The following KCTD16 variants were observed in gnomAD, a reference collection of about 807,000 sequenced individuals.
KCTD16 encodes the protein potassium channel tetramerization domain containing 16.
In KCTD16, 13 loss-of-function variants were observed where a neutral mutation model predicts 33.2. That is an observed-to-expected ratio of 0.39 (90% CI 0.25 to 0.62). The LOEUF is 0.62. Among genes scored for constraint, KCTD16 ranks in the 20% least tolerant of loss-of-function variants. KCTD16 has a pLI of 0.50. For synonymous variants in KCTD16, 197 were observed against 195.3 expected, an observed-to-expected ratio of 1.01 and a Z score of -0.07; for missense variants, 441 against 525.1, an observed-to-expected ratio of 0.84 and a Z score of 1.57.
intron 3 of KCTD16, among the ~76,000 whole-genome samples, chr5:144,341,045 CA>C (rs1435208893): frequency 6.6e-6 from 1 of 151,606 alleles, no homozygotes; most frequent in Non-Finnish European, 1.5e-5. Context: ...AACTCTGTCT[CA>C]AAAAAACAAA....
chr5:144,233,864 A>G (rs890638595), intron 3 of KCTD16, among the ~76,000 whole-genome samples: 4 of 152,134 alleles, frequency 2.6e-5, no homozygotes, highest in African/African-American at 9.6e-5. Context: ...CTAAGGAAGG[A>G]GAGGGAGAAG....
rs576025444 is a variant in KCTD16, at chr5:144,471,064, C to G, written c.833-2596C>G. 3.3e-5 allele frequency among the ~76,000 whole-genome samples: 5 copies of G among 152,262 alleles called. No homozygotes were observed. The South Asian group carries it at 8.3e-4, about 25-fold the overall frequency. ...ACGTGGTGGCAGGTATCTGTAGTCC[C>G]TGCTACTCAAGAGGCTGAGGCAGGA... On this transcript the variant is annotated intron_variant, in intron 3 of 3. Coordinates refer to ENST00000512467, the MANE Select transcript of KCTD16 (RefSeq NM_020768.4).
chr5:144,474,024 C>G lies in KCTD16; in HGVS notation c.1197C>G (p.Ile399Met), dbSNP rs1199925227. 1 of 1,613,760 alleles carries G rather than the reference C, an allele frequency of 6.2e-7. No individual in the cohort carries two copies. The highest frequency in any genetic ancestry group is 8.5e-7 in the Non-Finnish European group (1 of 1,179,978). Residue 399 changes from isoleucine (I) to methionine (M), a missense_variant, in exon 4 of 4, where the codon ATC (isoleucine) becomes ATG (methionine). Physicochemically the swap from Ile to Met is conservative, Grantham distance 10 (BLOSUM62 1). Transcript: ENST00000512467. ...LSIEEELEKC[I>M]QDFLKIKIPD... ...TTGAGGAGGAGCTGGAGAAATGTATCCAGGATTTCCTAAAAATCAAAATTC... is the reference window on the plus strand; with the variant it reads ...TTGAGGAGGAGCTGGAGAAATGTATGCAGGATTTCCTAAAAATCAAAATTC...
chr5:144,323,822 C>T (rs1027150080), intron 3 of KCTD16, among the ~76,000 whole-genome samples: 3 of 152,158 alleles, frequency 2.0e-5, no homozygotes, highest in African/African-American at 7.2e-5. Context: ...GGCATTAGAT[C>T]AGCCCTATTA....
chr5:144,222,929 G>T (rs924779574), intron 3 of KCTD16, among the ~76,000 whole-genome samples: 2 of 152,066 alleles, frequency 1.3e-5, no homozygotes, highest in Non-Finnish European at 2.9e-5. Flanking sequence ...TAAGAAAATG[G>T]GGCACATATA....
intron 3 of KCTD16, among the ~76,000 whole-genome samples, chr5:144,228,878 TATA>T (rs1754013593): frequency 6.6e-6 from 1 of 152,200 alleles, no homozygotes; most frequent in Non-Finnish European, 1.5e-5. Flanking sequence ...CGTATAGTAA[TATA>T]GTACATGTAG....
At chr5:144,180,534 T>G (rs956587463) in intron 2 of KCTD16, among the ~76,000 whole-genome samples, 1 of 152,216 alleles carries the variant, frequency 6.6e-6, no homozygotes, top group Non-Finnish European at 1.5e-5. Context: ...CAATAACATT[T>G]TATTTCTTGA....
intron 2 of KCTD16, among the ~76,000 whole-genome samples, chr5:144,181,225 G>T (rs780250150): frequency 1.1e-4 from 16 of 151,898 alleles, no homozygotes; most frequent in Admixed American, 4.6e-4. Flanking sequence ...GAGCCACCGT[G>T]CCCAGCCTAT....
chr5:144,270,253 G>A (rs1035943284), intron 3 of KCTD16, among the ~76,000 whole-genome samples: 2 of 151,886 alleles, frequency 1.3e-5, no homozygotes, highest in African/African-American at 4.8e-5. Context: ...TCAAGAATGG[G>A]ACGTGGGACA....
intron 3 of KCTD16, among the ~76,000 whole-genome samples, chr5:144,219,798 A>G (rs555909882): frequency 6.6e-6 from 1 of 152,098 alleles, no homozygotes; most frequent in East Asian, 1.9e-4. Flanking sequence ...TGTTGGGATT[A>G]CAGGCGTGAA....
At chr5:144,345,712 T>A (rs1462997817) in intron 3 of KCTD16, among the ~76,000 whole-genome samples, 1 of 152,020 alleles carries the variant, frequency 6.6e-6, no homozygotes, top group Non-Finnish European at 1.5e-5. Context: ...AAAATTAGAT[T>A]TTATTTTTGT....
chr5:144,209,856 A>G (rs1753316551), intron 3 of KCTD16, among the ~76,000 whole-genome samples: 2 of 146,330 alleles, frequency 1.4e-5, no homozygotes, highest in South Asian at 4.2e-4. Context: ...GTGTATATAT[A>G]TACACATATA....
At chr5:144,445,032 C>A (rs953247979) in intron 3 of KCTD16, among the ~76,000 whole-genome samples, 1 of 150,554 alleles carries the variant, frequency 6.6e-6, no homozygotes, top group East Asian at 1.9e-4. Flanking sequence ...TTAAATTTTT[C>A]TTTTTAGCAT....
chr5:144,287,676 G>A (rs13182264), intron 3 of KCTD16, among the ~76,000 whole-genome samples: 32,605 of 151,786 alleles, frequency 0.21, 3,944 homozygotes, highest in Non-Finnish European at 0.28. Context: ...CACTCTTTTC[G>A]CCCAGGCTGG....
At chr5:144,294,064 C>T (rs1755969874) in intron 3 of KCTD16, among the ~76,000 whole-genome samples, 1 of 152,092 alleles carries the variant, frequency 6.6e-6, no homozygotes, top group Admixed American at 6.6e-5. Context: ...GAGGCTGAGG[C>T]AGGAGAATCA....
intron 3 of KCTD16, among the ~76,000 whole-genome samples, chr5:144,444,823 A>T (rs1050368556): frequency 4.6e-5 from 7 of 150,968 alleles, no homozygotes; most frequent in African/African-American, 1.7e-4. Flanking sequence ...TCTCCATAGT[A>T]TGCTCTTTCA....
chr5:144,396,177 C>T (rs140691384), intron 3 of KCTD16, among the ~76,000 whole-genome samples: 1 of 152,258 alleles, frequency 6.6e-6, no homozygotes, highest in Non-Finnish European at 1.5e-5. Flanking sequence ...TTATTAGGCT[C>T]TCTAGGTGTT....
intron 3 of KCTD16, among the ~76,000 whole-genome samples, chr5:144,465,779 CTTTTTTGTTT>C (rs1196648265): frequency 2.3e-5 from 3 of 129,872 alleles, no homozygotes; most frequent in East Asian, 2.5e-4. Context: ...CCAAATTTAA[CTTTTTTGTTT>C]TTTTTTTTTT....
At chr5:144,396,376 G>A (rs1752567800) in intron 3 of KCTD16, among the ~76,000 whole-genome samples, 1 of 152,134 alleles carries the variant, frequency 6.6e-6, no homozygotes, top group South Asian at 2.1e-4. Context: ...CACCCATTTT[G>A]GAAACACAAA....
Sources: gnomAD v4.1 joint callset for allele counts (sites outside exome capture counted in the v4.1 genomes callset) on GRCh38, gnomAD v4.1.1 for gene constraint, MANE v1.5 for transcripts, NCBI Gene and HGNC (gene_info 2026-07-23, HGNC 2026-07-21) for gene names.